The following TFRC variants were observed in gnomAD, a reference collection of about 807,000 sequenced individuals.
TFRC encodes transferrin receptor.
TFRC carries 35 observed loss-of-function variants against 85.8 expected under a neutral mutation model. The observed-to-expected ratio is 0.41, with a 90% confidence interval of 0.31 to 0.54. The LOEUF (loss-of-function observed/expected upper bound fraction) is 0.54, where lower values mean the gene tolerates loss of function less well. TFRC is among the 20% of genes least tolerant of loss of function. The pLI is 0.31. For synonymous variants in TFRC, 362 were observed against 328.6 expected (o/e 1.10, Z -1.10); for missense variants, 828 against 921.5 (o/e 0.90, Z 1.31).
rs1716241909 is a variant in TFRC, at chr3:196,050,691, G to A, written c.*1251C>T. 1 of 204,828 alleles carries A rather than the reference G, an allele frequency of 4.9e-6. No individual in the cohort carries two copies. The highest frequency in any genetic ancestry group is 2.3e-5 in the African/African-American group (1 of 43,772). The allele number at this position is 204,828 out of a possible 1,614,324, so 12.7% of individuals were successfully genotyped here. A position where few individuals can be genotyped will look rare whatever the true frequency, so the allele number is the denominator to read the frequency against. On this transcript the variant is annotated 3_prime_UTR_variant, in exon 19 of 19. Coordinates refer to ENST00000360110, the MANE Select transcript of TFRC (RefSeq NM_001128148.3). ...ATAAACTGAGCTATAAAATTTTGCA[G>A]GAGTACTACCACAGCCTTTAAGTGA... is the stretch of plus-strand genomic sequence containing the variant.
intron 4 of TFRC, 49 bp downstream of exon 4, chr3:196,073,881 T>C: frequency 4.5e-6 from 7 of 1,565,630 alleles, no homozygotes; most frequent in Non-Finnish European, 6.1e-6. Context: ...TGGCCTATCA[T>C]AATTCTTGAA....
Position 196,058,696 on chromosome 3 carries a change from T to TA in TFRC, c.1537-65dup. 2.6e-6 allele frequency: 3 copies of TA among 1,158,380 alleles called. No homozygotes were observed. In the Admixed American group the frequency reaches 6.4e-5, roughly 25 times the overall value. 71.8% of individuals were successfully genotyped at this position (1,158,380 alleles called of 1,614,324 possible). On this transcript the variant is annotated intron_variant, in intron 14 of 18. Transcript: ENST00000360110. ...GAACTTATTTATTCAGGCTAGTCAC[T>TA]AACATGTTACTCTATAACAATTTTT...
chr3:196,071,354 T>C (rs1718185665), intron 6 of TFRC, 42 bp downstream of exon 6: 1 of 1,505,486 alleles, frequency 6.6e-7, no homozygotes, highest in African/African-American at 1.4e-5. Flanking sequence ...TTTTGAATGA[T>C]TCAATAGGGA....
rs1336133252 is a variant in TFRC, at chr3:196,051,793, C to T, written c.*149G>A. 17 of 874,876 alleles carry T rather than the reference C, an allele frequency of 1.9e-5. No homozygotes were observed. Among genetic ancestry groups the T allele is most frequent in the Middle Eastern group, 3.2e-4 (1 of 3,080 alleles). 54.2% of individuals were successfully genotyped at this position (874,876 alleles called of 1,614,324 possible). A position where few individuals can be genotyped will look rare whatever the true frequency, so the allele number is the denominator to read the frequency against. ...CAGGTTATCTACCCTGTATTAAAAG[C>T]TGCTGCCTAAAGACATCTAGTAGTA... On this transcript the variant is annotated 3_prime_UTR_variant, in exon 19 of 19. Transcript: ENST00000360110.
At chr3:196,072,843 T>C (rs1198728048) in intron 4 of TFRC, 1 of 152,024 alleles carries the variant, frequency 6.6e-6, no homozygotes, top group Non-Finnish European at 1.5e-5. Flanking sequence ...TTTTAGAATT[T>C]GTCTAGCATG....
intron 1 of TFRC, among the ~76,000 whole-genome samples, chr3:196,080,907 C>T (rs1414012599): frequency 1.3e-5 from 2 of 152,194 alleles, no homozygotes; most frequent in East Asian, 3.8e-4. Context: ...TCACAGTAAG[C>T]TTAGCATATA....
At chr3:196,071,542 C>CA in intron 5 of TFRC, 44 bp from the exon 6 acceptor site, 3 of 1,544,106 alleles carry the variant, frequency 1.9e-6, no homozygotes, top group Non-Finnish European at 2.7e-6. Flanking sequence ...GTCATCCTTC[C>CA]AAAAAACACA....
intron 18 of TFRC, 134 bp downstream of exon 18, chr3:196,053,284 T>G: frequency 1.0e-6 from 1 of 971,226 alleles, no homozygotes; most frequent in Non-Finnish European, 1.5e-6. Flanking sequence ...AAACAGAAAA[T>G]GACAGCTAAA....
chr3:196,073,504 AG>A (rs1718404944), intron 4 of TFRC, among the ~76,000 whole-genome samples: 1 of 152,120 alleles, frequency 6.6e-6, no homozygotes, highest in Non-Finnish European at 1.5e-5. Context: ...TAGAGACTTA[AG>A]GCAGGCAGTT....
intron 11 of TFRC, chr3:196,063,153 A>G: frequency 2.1e-6 from 1 of 473,546 alleles, no homozygotes. Context: ...TTTTTTTTAA[A>G]GTAACCTACA....
At chr3:196,076,494 G>C (rs1718712675) in intron 2 of TFRC, among the ~76,000 whole-genome samples, 1 of 150,088 alleles carries the variant, frequency 6.7e-6, no homozygotes, top group Non-Finnish European at 1.5e-5. Flanking sequence ...CTGTTGCCCA[G>C]GCTGGAGTGC....
chr3:196,073,290 TA>T (rs35883754), intron 4 of TFRC, among the ~76,000 whole-genome samples: 27,018 of 135,420 alleles, frequency 0.2, 2,676 homozygotes, highest in Middle Eastern at 0.29. Context: ...CTCCATCTCT[TA>T]AAAAAAAAAA....
intron 14 of TFRC, chr3:196,058,998 CT>C (rs1717053532): frequency 6.6e-6 from 1 of 151,844 alleles, no homozygotes; most frequent in Non-Finnish European, 1.4e-5. Flanking sequence ...AAGACTTTAT[CT>C]CTTAAAAAAA....
Position 196,069,857 on chromosome 3 carries a change from T to C in TFRC, c.688-289A>G, listed in dbSNP as rs1352429246. ...TAAAGAGGCCTATGTAGGCTGGTCA[T>C]GGGACTGGAGGCCTGGAACAATCTT... On this transcript the variant is annotated intron_variant, in intron 6 of 18. Transcript: ENST00000360110. Among the ~76,000 whole-genome samples the C allele has an allele frequency of 3.9e-5, 6 of 152,226 alleles. No individual in the cohort carries two copies. In the East Asian group the frequency reaches 1.2e-3, roughly 29 times the overall value.
chr3:196,066,636 G>C (rs988613459), intron 9 of TFRC, among the ~76,000 whole-genome samples: 1 of 152,132 alleles, frequency 6.6e-6, no homozygotes, highest in Non-Finnish European at 1.5e-5. Context: ...TAGGTAGAAT[G>C]AGTCAAAAAA....
intron 5 of TFRC, among the ~76,000 whole-genome samples, chr3:196,071,731 C>A (rs41301375): frequency 0.052 from 7,871 of 152,264 alleles, 262 homozygotes; most frequent in South Asian, 0.08. Flanking sequence ...CGAGACCATC[C>A]CACCTCTACT....
chr3:196,079,616 AAAAT>A (rs533194325), intron 1 of TFRC, among the ~76,000 whole-genome samples: 1 of 152,174 alleles, frequency 6.6e-6, no homozygotes, highest in East Asian at 1.9e-4. Flanking sequence ...AACTCTGTCA[AAAAT>A]AAATAAATAA....
intron 4 of TFRC, 42 bp from the exon 5 acceptor site, chr3:196,072,194 T>C: frequency 1.3e-6 from 2 of 1,599,790 alleles, no homozygotes; most frequent in Non-Finnish European, 1.7e-6. Context: ...AAGTTTACTT[T>C]AAAATAAACA....
In TFRC at chr3:196,060,825, A is replaced by AAAT. The variant is rs1310502711; in HGVS notation, c.1469-579_1469-578insATT. 2.4e-4 allele frequency among the ~76,000 whole-genome samples: 34 copies of AAAT among 141,152 alleles called. 1 individual carries two copies. In the South Asian group the frequency reaches 4.6e-3, roughly 19 times the overall value. The allele number at this position is 141,152 out of a possible 152,430, so 92.6% of individuals were successfully genotyped here. ...AAAAAAAAAAAAAAAAAAAAAAAAA[A>AAAT]ATCAGACCAGTTTTAGGTTCAGCAG... On this transcript the variant is annotated intron_variant, in intron 13 of 18. Transcript: ENST00000360110.
Sources: allele counts gnomAD v4.1 joint callset (sites outside exome capture counted in the v4.1 genomes callset), GRCh38; gene constraint gnomAD v4.1.1; transcripts MANE v1.5; gene names NCBI Gene and HGNC (gene_info 2026-07-23, HGNC 2026-07-21).